Variants in SCTR observed in about 807,000 individuals in gnomAD.
The protein encoded by SCTR is secretin receptor.
SCTR carries 56 observed loss-of-function variants against 60.8 expected under a neutral mutation model. That is an observed-to-expected ratio of 0.92 (90% CI 0.74 to 1.15). The LOEUF (loss-of-function observed/expected upper bound fraction) is 1.15. Ranked by LOEUF, SCTR falls within the 50% of genes most tolerant of loss-of-function variation. SCTR has a pLI of 0.00. For missense variants in SCTR, 562 were observed against 550.4 expected (o/e 1.02, Z -0.21); for synonymous variants, 202 against 217.0 (o/e 0.93, Z 0.61).
At chr2:119,448,382 C>A (rs576020467) in intron 10 of SCTR, among the ~76,000 whole-genome samples, 3 of 152,326 alleles carry the variant, frequency 2.0e-5, no homozygotes, top group African/African-American at 7.2e-5. Flanking sequence ...ACTGTACCTA[C>A]ACACATTTGT....
intron 7 of SCTR, 124 bp from the exon 8 acceptor site, chr2:119,453,471 C>T: frequency 6.8e-6 from 5 of 738,948 alleles, no homozygotes; most frequent in Admixed American, 2.1e-5. Context: ...TTGGTTTCCA[C>T]AGAAACCCCT....
intron 2 of SCTR, among the ~76,000 whole-genome samples, chr2:119,485,662 C>G (rs1677832935): frequency 6.6e-6 from 1 of 152,216 alleles, no homozygotes; most frequent in South Asian, 2.1e-4. Flanking sequence ...GTGCTCACTT[C>G]ATCGGCTGAT....
intron 1 of SCTR, among the ~76,000 whole-genome samples, chr2:119,522,353 G>A (rs1400183443): frequency 6.6e-6 from 1 of 152,114 alleles, no homozygotes; most frequent in Non-Finnish European, 1.5e-5. Flanking sequence ...AAAAGACAGA[G>A]CCCTGGATGG....
chr2:119,486,327 C>T (rs1677865171), intron 2 of SCTR: 1 of 151,812 alleles, frequency 6.6e-6, no homozygotes, highest in Non-Finnish European at 1.5e-5. Flanking sequence ...GCAGCCACTT[C>T]TCTGGAGCAG....
chr2:119,444,318 T>A (rs1376540389), intron 11 of SCTR, among the ~76,000 whole-genome samples: 1 of 139,800 alleles, frequency 7.2e-6, no homozygotes. Flanking sequence ...TATATACACA[T>A]ATATACGTAT....
intron 1 of SCTR, among the ~76,000 whole-genome samples, chr2:119,499,907 G>C (rs1678477628): frequency 6.6e-6 from 1 of 151,984 alleles, no homozygotes; most frequent in African/African-American, 2.4e-5. Flanking sequence ...GGAAGTCTTA[G>C]CCAATGCAAT....
At chr2:119,503,121 T>C in intron 1 of SCTR, among the ~76,000 whole-genome samples, 1 of 131,228 alleles carries the variant, frequency 7.6e-6, no homozygotes, top group East Asian at 2.1e-4. Flanking sequence ...ATAGCGCCAG[T>C]GCACTCCAGC....
At chr2:119,474,784 A>G (rs1677195221) in intron 3 of SCTR, among the ~76,000 whole-genome samples, 1 of 152,204 alleles carries the variant, frequency 6.6e-6, no homozygotes, top group African/African-American at 2.4e-5. Flanking sequence ...AGCGTATGCT[A>G]TCACTGTTCT....
chr2:119,506,106 T>A (rs1274938055), intron 1 of SCTR, among the ~76,000 whole-genome samples: 1 of 152,138 alleles, frequency 6.6e-6, no homozygotes, highest in Non-Finnish European at 1.5e-5. Flanking sequence ...GTTGGCAGTG[T>A]CTTGAAAACC....
chr2:119,489,535 G>C (rs1678033492), intron 2 of SCTR, among the ~76,000 whole-genome samples: 1 of 152,194 alleles, frequency 6.6e-6, no homozygotes, highest in Non-Finnish European at 1.5e-5. Flanking sequence ...CACCTTTACA[G>C]TGCAGTGCAG....
Position 119,477,437 on chromosome 2 carries a change from TTTTGTTTGTTTG to T in SCTR, c.301+1362_301+1373del, listed in dbSNP as rs72343036. On this transcript the variant is annotated intron_variant, in intron 3 of 12. Transcript: ENST00000019103. ...ATACCTGTTTCCTGTTCTGGACGTT[TTTTGTTTGTTTG>T]TTTGTTTGTTTGTTTGTTTGTGACA... Among the ~76,000 whole-genome samples, 49 of 151,248 alleles carry T rather than the reference TTTTGTTTGTTTG, an allele frequency of 3.2e-4. No individual in the cohort carries two copies. The South Asian group carries it at 4.6e-3, about 14-fold the overall frequency.
intron 7 of SCTR, among the ~76,000 whole-genome samples, chr2:119,457,483 A>G (rs1683419499): frequency 6.6e-6 from 1 of 152,190 alleles, no homozygotes; most frequent in Non-Finnish European, 1.5e-5. Flanking sequence ...AAGTTGATGC[A>G]GGAGGATCGT....
At chr2:119,496,302 A>G (rs879752853) in intron 1 of SCTR, among the ~76,000 whole-genome samples, 8 of 152,238 alleles carry the variant, frequency 5.3e-5, no homozygotes, top group Admixed American at 1.3e-4. Flanking sequence ...ATAACCTTTT[A>G]AGTAATTTAA....
chr2:119,510,323 T>G (rs1265216005), intron 1 of SCTR, among the ~76,000 whole-genome samples: 1 of 152,146 alleles, frequency 6.6e-6, no homozygotes, highest in Non-Finnish European at 1.5e-5. Context: ...TAAAGAAATG[T>G]GTGGTGTCCA....
intron 2 of SCTR, among the ~76,000 whole-genome samples, chr2:119,482,269 G>T (rs893076842): frequency 6.6e-6 from 1 of 152,200 alleles, no homozygotes; most frequent in Non-Finnish European, 1.5e-5. Context: ...AGCGGGGCAG[G>T]TGTGGCCTGT....
At chr2:119,443,798 C>T (rs758939208) in intron 11 of SCTR, among the ~76,000 whole-genome samples, 5 of 152,192 alleles carry the variant, frequency 3.3e-5, no homozygotes, top group African/African-American at 9.6e-5. Context: ...TCGCCTGCCT[C>T]GGCCTCCCGA....
intron 1 of SCTR, among the ~76,000 whole-genome samples, chr2:119,520,816 C>G (rs1439086303): frequency 6.6e-6 from 1 of 152,182 alleles, no homozygotes; most frequent in African/African-American, 2.4e-5. Context: ...GATGCCGTAT[C>G]ACCAACCCCA....
chr2:119,454,854 C>CAAAA (rs34210976), intron 7 of SCTR, among the ~76,000 whole-genome samples: 1 of 145,134 alleles, frequency 6.9e-6, no homozygotes, highest in Non-Finnish European at 1.5e-5. Context: ...AACTCCATCT[C>CAAAA]AAAAAAAAAA....
At chr2:119,517,426 C>T (rs1356483983) in intron 1 of SCTR, among the ~76,000 whole-genome samples, 2 of 152,168 alleles carry the variant, frequency 1.3e-5, no homozygotes, top group East Asian at 3.8e-4. Context: ...TCCCCAAGTG[C>T]TGGGATTACA....
Sources: gnomAD v4.1 joint callset for allele counts (sites outside exome capture counted in the v4.1 genomes callset) on GRCh38, gnomAD v4.1.1 for gene constraint, MANE v1.5 for transcripts, NCBI Gene and HGNC (gene_info 2026-07-23, HGNC 2026-07-21) for gene names.